The following NME7 variants were observed in gnomAD, a reference collection of about 807,000 sequenced individuals.
NME7 encodes nucleoside diphosphate kinase 7.
A neutral mutation model predicts 49.1 loss-of-function variants in NME7; 41 were observed. That is an observed-to-expected ratio of 0.83 (90% CI 0.65 to 1.08). The LOEUF (loss-of-function observed/expected upper bound fraction) is 1.08, where lower values mean the gene tolerates loss of function less well. NME7 is among the 50% of genes least tolerant of loss of function. NME7 has a pLI of 0.00. For missense variants in NME7, 423 were observed against 463.4 expected (o/e 0.91, Z 0.80); for synonymous variants, 139 against 150.6 (o/e 0.92, Z 0.56).
intron 1 of NME7, among the ~76,000 whole-genome samples, chr1:169,340,573 T>A (rs1264024663): frequency 6.6e-6 from 1 of 152,192 alleles, no homozygotes; most frequent in African/African-American, 2.4e-5. Flanking sequence ...TTGGAAAAGT[T>A]TGGAAGGCTC....
At chr1:169,244,448 A>AT (rs1362911092) in intron 7 of NME7, among the ~76,000 whole-genome samples, 21 of 151,836 alleles carry the variant, frequency 1.4e-4, no homozygotes, top group Non-Finnish European at 2.9e-4. Flanking sequence ...CCTGGCTAAC[A>AT]CGGTGAAACC....
intron 10 of NME7, among the ~76,000 whole-genome samples, chr1:169,175,125 G>GT (rs1452825111): frequency 9.2e-5 from 14 of 151,600 alleles, no homozygotes; most frequent in Non-Finnish European, 1.5e-4. Context: ...TATTTTTTAA[G>GT]TTTTTTTTCT....
intron 10 of NME7, among the ~76,000 whole-genome samples, chr1:169,202,210 TGAG>T (rs1347945181): frequency 6.6e-6 from 1 of 152,128 alleles, no homozygotes; most frequent in Non-Finnish European, 1.5e-5. Context: ...GTGCTGGAGG[TGAG>T]GTCTGGTAGG....
chr1:169,302,617 G>A (rs950772282), intron 5 of NME7, among the ~76,000 whole-genome samples: 4 of 152,106 alleles, frequency 2.6e-5, no homozygotes, highest in Admixed American at 2.6e-4. Flanking sequence ...ACTAGAGTGG[G>A]AGAAAGGGAA....
intron 10 of NME7, among the ~76,000 whole-genome samples, chr1:169,184,545 T>A (rs1660015632): frequency 6.6e-6 from 1 of 152,180 alleles, no homozygotes; most frequent in African/African-American, 2.4e-5. Context: ...TATTACCAAA[T>A]GTTCAGGCTA....
intron 1 of NME7, among the ~76,000 whole-genome samples, chr1:169,348,938 G>C (rs1431162775): frequency 6.6e-6 from 1 of 150,974 alleles, no homozygotes; most frequent in African/African-American, 2.4e-5. Context: ...CTAAGTAGTA[G>C]GCTAGAAAGA....
intron 7 of NME7, among the ~76,000 whole-genome samples, chr1:169,256,780 A>G (rs1275357701): frequency 7.8e-6 from 1 of 128,114 alleles, no homozygotes; most frequent in African/African-American, 2.6e-5. Flanking sequence ...TTTCCTTCTA[A>G]CAGACAGGAC....
At chr1:169,248,722 T>G (rs1648426323) in intron 7 of NME7, among the ~76,000 whole-genome samples, 1 of 152,170 alleles carries the variant, frequency 6.6e-6, no homozygotes, top group African/African-American at 2.4e-5. Flanking sequence ...CCAGCATTAT[T>G]TATTAAATAA....
intron 6 of NME7, among the ~76,000 whole-genome samples, chr1:169,296,976 C>CT (rs71557660): frequency 4.7e-5 from 7 of 149,140 alleles, no homozygotes; most frequent in South Asian, 2.2e-4. Context: ...TATAGTCATT[C>CT]TTTTTTTTTT....
intron 7 of NME7, among the ~76,000 whole-genome samples, chr1:169,257,854 A>T (rs1373598668): frequency 1.5e-5 from 2 of 133,880 alleles, no homozygotes; most frequent in African/African-American, 5.1e-5. Flanking sequence ...AAGGCTAAAG[A>T]TAAAACTCCA....
chr1:169,234,281 T>C (rs1313115639), intron 9 of NME7, among the ~76,000 whole-genome samples: 3 of 152,148 alleles, frequency 2.0e-5, no homozygotes, highest in Admixed American at 6.6e-5. Flanking sequence ...CTCCAGAGCA[T>C]AAGCTCCATA....
intron 10 of NME7, among the ~76,000 whole-genome samples, chr1:169,201,048 TAGAG>T (rs1411297224): frequency 2.6e-5 from 4 of 151,918 alleles, no homozygotes; most frequent in African/African-American, 9.7e-5. Flanking sequence ...CTGGGCAACA[TAGAG>T]AGACCCTATC....
chr1:169,249,142 T>C (rs1648452398), intron 7 of NME7, among the ~76,000 whole-genome samples: 1 of 152,180 alleles, frequency 6.6e-6, no homozygotes, highest in Admixed American at 6.5e-5. Flanking sequence ...CATTTGTTTG[T>C]GTCATCTATG....
chr1:169,182,870 G>T (rs1436388517), intron 10 of NME7, among the ~76,000 whole-genome samples: 1 of 152,156 alleles, frequency 6.6e-6, no homozygotes, highest in Non-Finnish European at 1.5e-5. Flanking sequence ...GTTACCAATA[G>T]TCTGGGCTCC....
intron 1 of NME7, among the ~76,000 whole-genome samples, chr1:169,333,867 T>A (rs1434209814): frequency 1.3e-5 from 2 of 152,114 alleles, no homozygotes; most frequent in Admixed American, 6.5e-5. Flanking sequence ...AACCCCCTAT[T>A]AAGACAAATC....
At chr1:169,351,833 A>T (rs1235543855) in intron 1 of NME7, among the ~76,000 whole-genome samples, 1 of 152,040 alleles carries the variant, frequency 6.6e-6, no homozygotes, top group East Asian at 1.9e-4. Flanking sequence ...TAAAAAATCA[A>T]AAACTTCCTA....
At chr1:169,244,412 T>C (rs1191957663) in intron 7 of NME7, among the ~76,000 whole-genome samples, 1 of 151,434 alleles carries the variant, frequency 6.6e-6, no homozygotes, top group Non-Finnish European at 1.5e-5. Flanking sequence ...GGTGGGAGGA[T>C]GATGAGATCA....
chr1:169,335,776 A>G (rs1572616), intron 1 of NME7, among the ~76,000 whole-genome samples: 148 of 147,446 alleles, frequency 1.0e-3, no homozygotes, highest in Non-Finnish European at 1.7e-3. Context: ...ATTTATATAT[A>G]TGTTTCAGAA....
intron 1 of NME7, among the ~76,000 whole-genome samples, chr1:169,349,447 T>C (rs1353158906): frequency 1.3e-5 from 2 of 152,218 alleles, no homozygotes; most frequent in African/African-American, 4.8e-5. Context: ...TTATGGAATA[T>C]GCGTGACATT....
Sources: allele counts gnomAD v4.1 joint callset (sites outside exome capture counted in the v4.1 genomes callset), GRCh38; gene constraint gnomAD v4.1.1; transcripts MANE v1.5; gene names NCBI Gene and HGNC (gene_info 2026-07-23, HGNC 2026-07-21).